GRM7: variants seen among roughly 807,000 people sequenced by gnomAD.
GRM7 encodes the protein glutamate metabotropic receptor 7.
Under a neutral mutation model 84.5 loss-of-function variants are expected in GRM7, and 35 were observed. The observed-to-expected ratio is 0.41, with a 90% confidence interval of 0.32 to 0.55. The LOEUF (loss-of-function observed/expected upper bound fraction) is 0.55. GRM7 is among the 20% of genes least tolerant of loss of function. GRM7 has a pLI of 0.19. For synonymous variants in GRM7, 487 were observed against 455.1 expected (o/e 1.07, Z -0.89); for missense variants, 1,003 against 1,194.6 (o/e 0.84, Z 2.36).
chr3:7,227,393 C>T (rs1013232368), intron 2 of GRM7, among the ~76,000 whole-genome samples: 1 of 152,192 alleles, frequency 6.6e-6, no homozygotes, highest in Admixed American at 6.5e-5. Flanking sequence ...GTCTACCCTA[C>T]CCCACTGTGT....
At chr3:7,639,071 C>A (rs542599899) in intron 8 of GRM7, among the ~76,000 whole-genome samples, 8 of 152,172 alleles carry the variant, frequency 5.3e-5, no homozygotes, top group Non-Finnish European at 1.2e-4. Context: ...AAACTTAAAA[C>A]CTTCCACCTC....
At chr3:7,253,789 TAG>T (rs574972337) in intron 2 of GRM7, among the ~76,000 whole-genome samples, 71 of 152,074 alleles carry the variant, frequency 4.7e-4, no homozygotes, top group Non-Finnish European at 7.5e-4. Context: ...TGCAAGCAGG[TAG>T]ACTGCAGAGG....
intron 2 of GRM7, among the ~76,000 whole-genome samples, chr3:7,296,858 C>G (rs191884736): frequency 1.3e-5 from 2 of 150,814 alleles, no homozygotes; most frequent in Non-Finnish European, 2.9e-5. Flanking sequence ...TATGTTGCCC[C>G]GACTGGTCTC....
intron 1 of GRM7, among the ~76,000 whole-genome samples, chr3:7,107,155 G>A (rs1484259484): frequency 1.3e-5 from 2 of 151,966 alleles, no homozygotes; most frequent in African/African-American, 4.8e-5. Flanking sequence ...AACTGTTACT[G>A]AGCACTCATC....
intron 1 of GRM7, among the ~76,000 whole-genome samples, chr3:6,965,273 C>T (rs4686102): frequency 0.06 from 9,082 of 152,186 alleles, 526 homozygotes; most frequent in African/African-American, 0.14. Flanking sequence ...ATTTGCTTAA[C>T]AATGTTACCT....
At chr3:7,384,800 T>A (rs547853178) in intron 4 of GRM7, among the ~76,000 whole-genome samples, 2 of 152,104 alleles carry the variant, frequency 1.3e-5, no homozygotes, top group Non-Finnish European at 2.9e-5. Context: ...TACAGAGAGA[T>A]TGGGGAGCTT....
intron 2 of GRM7, among the ~76,000 whole-genome samples, chr3:7,293,630 T>A (rs1200793134): frequency 6.6e-6 from 1 of 152,200 alleles, no homozygotes; most frequent in Non-Finnish European, 1.5e-5. Flanking sequence ...TGATTAGATT[T>A]TCCGTGTGTC....
Position 7,090,902 on chromosome 3 carries a change from T to C in GRM7, c.520-55550T>C, listed in dbSNP as rs1429559136. Among the ~76,000 whole-genome samples, 5 of 152,190 alleles carry C rather than the reference T, an allele frequency of 3.3e-5. No homozygotes were observed. The South Asian group carries it at 1.0e-3, about 32-fold the overall frequency. On this transcript the variant is annotated intron_variant, in intron 1 of 9. Coordinates refer to ENST00000357716, the MANE Select transcript of GRM7 (RefSeq NM_000844.4). ...AATATCTTAAACTATTAGGGAATTC[T>C]ATTGCAGAGCTTTTTAAAAACAGCC...
intron 1 of GRM7, among the ~76,000 whole-genome samples, chr3:7,121,411 A>G (rs1198010030): frequency 2.2e-5 from 3 of 138,194 alleles, no homozygotes; most frequent in African/African-American, 1.1e-4. Flanking sequence ...CGTTGTGTTT[A>G]TGGTACTTTA....
At chr3:7,043,891 G>A (rs1370159478) in intron 1 of GRM7, among the ~76,000 whole-genome samples, 2 of 152,168 alleles carry the variant, frequency 1.3e-5, no homozygotes, top group Non-Finnish European at 2.9e-5. Context: ...TGTTGCCCAG[G>A]CAGGTCTCAA....
chr3:7,149,701 A>G (rs2125068857), intron 2 of GRM7, among the ~76,000 whole-genome samples: 1 of 152,278 alleles, frequency 6.6e-6, no homozygotes, highest in South Asian at 2.1e-4. Context: ...AACAATTTTG[A>G]CACATGCTTT....
chr3:7,435,695 T>C lies in GRM7; in HGVS notation c.1175-16912T>C, dbSNP rs961627353. Among the ~76,000 whole-genome samples the C allele has an allele frequency of 7.8e-5, 11 of 141,004 alleles. No individual in the cohort carries two copies. The East Asian group carries it at 2.1e-3, about 27-fold the overall frequency. The allele number at this position is 141,004 out of a possible 152,430, so 92.5% of individuals were successfully genotyped here. ...ATCCGGCTAGTTTTTTTTTTTTTTT[T>C]TTTTTTTTTTGAGACAGAGTCTCGC... On this transcript the variant is annotated intron_variant, in intron 5 of 9. Transcript: ENST00000357716.
intron 9 of GRM7, among the ~76,000 whole-genome samples, chr3:7,720,840 C>A (rs1701921782): frequency 6.6e-6 from 1 of 152,168 alleles, no homozygotes; most frequent in African/African-American, 2.4e-5. Context: ...GATGTCAGCC[C>A]CTCCTCTCAT....
chr3:7,622,011 A>G (rs1362407668), intron 8 of GRM7, among the ~76,000 whole-genome samples: 1 of 152,184 alleles, frequency 6.6e-6, no homozygotes, highest in Non-Finnish European at 1.5e-5. Flanking sequence ...GTACGTCTAC[A>G]TCCATTATCT....
intron 4 of GRM7, among the ~76,000 whole-genome samples, chr3:7,345,794 G>A (rs1379469579): frequency 6.6e-6 from 1 of 151,570 alleles, no homozygotes; most frequent in African/African-American, 2.4e-5. Flanking sequence ...AGACCTGCAG[G>A]AAGCTGAGGG....
chr3:6,896,837 G>A (rs1696200370), intron 1 of GRM7, among the ~76,000 whole-genome samples: 1 of 152,076 alleles, frequency 6.6e-6, no homozygotes, highest in African/African-American at 2.4e-5. Flanking sequence ...GACTGCTTGA[G>A]ATTGCATTTA....
At chr3:7,105,606 T>C (rs2125027658) in intron 1 of GRM7, among the ~76,000 whole-genome samples, 1 of 152,064 alleles carries the variant, frequency 6.6e-6, no homozygotes, top group East Asian at 1.9e-4. Context: ...ATTTAAGAAT[T>C]GTTGTGGGAT....
At chr3:7,683,633 G>T (rs1700466847) in intron 9 of GRM7, among the ~76,000 whole-genome samples, 1 of 152,234 alleles carries the variant, frequency 6.6e-6, no homozygotes, top group Non-Finnish European at 1.5e-5. Context: ...ACTTTCTGCA[G>T]TGACGATCAT....
At chr3:7,532,198 C>A (rs1380851086) in intron 7 of GRM7, among the ~76,000 whole-genome samples, 1 of 152,102 alleles carries the variant, frequency 6.6e-6, no homozygotes, top group African/African-American at 2.4e-5. Flanking sequence ...GGAATGGTAC[C>A]AGCTCCTCTT....
Sources: gnomAD v4.1 joint callset for allele counts (sites outside exome capture counted in the v4.1 genomes callset) on GRCh38, gnomAD v4.1.1 for gene constraint, MANE v1.5 for transcripts, NCBI Gene and HGNC (gene_info 2026-07-23, HGNC 2026-07-21) for gene names.